The following NCOA1 variants were observed in gnomAD, a reference collection of about 807,000 sequenced individuals.
NCOA1 encodes Hin-2 protein.
Under a neutral mutation model 150.9 loss-of-function variants are expected in NCOA1, and 35 were observed. That is an observed-to-expected ratio of 0.23 (90% CI 0.18 to 0.31). NCOA1 has a LOEUF of 0.31. Ranked by LOEUF, NCOA1 falls within the 10% of genes least tolerant of loss-of-function variation. NCOA1 has a pLI of 1.00. For synonymous variants in NCOA1, 590 were observed against 630.0 expected, an observed-to-expected ratio of 0.94 and a Z score of 0.95; for missense variants, 1,491 against 1,749.3, an observed-to-expected ratio of 0.85 and a Z score of 2.63.
At chr2:24,517,271 A>C (rs1162991352) in intron 1 of NCOA1, among the ~76,000 whole-genome samples, 1 of 149,738 alleles carries the variant, frequency 6.7e-6, no homozygotes, top group Non-Finnish European at 1.5e-5. Context: ...TTTTTCCTTC[A>C]GTTTCTCTCT....
rs1348785188 is a variant in NCOA1 at position 24,491,260 on chromosome 2, G to A, written c.-738G>A. The stretch of plus-strand genomic sequence containing the variant: ...AGCGGGGGGCGGTGGCGGCGGCGGC[G>A]GTGGCGGCCGAGGAGGAGAACATGG... On this transcript the variant is annotated 5_prime_UTR_variant, in exon 1 of 23. Transcript: ENST00000348332. 6.8e-6 allele frequency among the ~76,000 whole-genome samples: 1 copy of A among 146,158 alleles called. No homozygotes were observed. Among genetic ancestry groups the A allele is most frequent in the Non-Finnish European group, 1.5e-5 (1 of 65,810 alleles).
intron 7 of NCOA1, among the ~76,000 whole-genome samples, chr2:24,681,788 C>T (rs554295110): frequency 2.0e-5 from 3 of 151,498 alleles, no homozygotes; most frequent in Admixed American, 2.0e-4. Flanking sequence ...GATCTCGGCT[C>T]ACTGCAAGCT....
At chr2:24,508,606 G>C (rs1343097717) in intron 1 of NCOA1, among the ~76,000 whole-genome samples, 1 of 151,984 alleles carries the variant, frequency 6.6e-6, no homozygotes, top group Non-Finnish European at 1.5e-5. Context: ...AAAATTTGTA[G>C]ATTCCCTCTT....
chr2:24,712,661 A>G (rs1673802142), intron 14 of NCOA1, among the ~76,000 whole-genome samples: 1 of 152,136 alleles, frequency 6.6e-6, no homozygotes, highest in Non-Finnish European at 1.5e-5. Flanking sequence ...GAATGCATAA[A>G]CCAAAAAAGA....
chr2:24,689,458 G>C (rs1672561912), intron 8 of NCOA1, among the ~76,000 whole-genome samples: 1 of 151,920 alleles, frequency 6.6e-6, no homozygotes, highest in Non-Finnish European at 1.5e-5. Flanking sequence ...ACCCAGGCTG[G>C]AGTGCAGTGG....
intron 10 of NCOA1, among the ~76,000 whole-genome samples, chr2:24,694,329 CCTCT>C (rs1240959724): frequency 6.6e-6 from 1 of 152,146 alleles, no homozygotes; most frequent in African/African-American, 2.4e-5. Context: ...ATATCACTTA[CCTCT>C]CTAATTTTAA....
At chr2:24,679,798 T>C (rs1378019617) in intron 7 of NCOA1, among the ~76,000 whole-genome samples, 2 of 152,170 alleles carry the variant, frequency 1.3e-5, no homozygotes, top group African/African-American at 4.8e-5. Flanking sequence ...TTTTAAAGAT[T>C]ATTAATCACG....
At chr2:24,546,488 A>T (rs2148208664) in intron 1 of NCOA1, among the ~76,000 whole-genome samples, 1 of 152,336 alleles carries the variant, frequency 6.6e-6, no homozygotes, top group South Asian at 2.1e-4. Context: ...CTATAGTCCT[A>T]GGTTCATTGT....
intron 3 of NCOA1, among the ~76,000 whole-genome samples, chr2:24,613,593 G>A (rs897358337): frequency 6.6e-6 from 1 of 152,190 alleles, no homozygotes; most frequent in African/African-American, 2.4e-5. Flanking sequence ...AGGAGAGTGG[G>A]TACTCCAGGT....
intron 19 of NCOA1, among the ~76,000 whole-genome samples, chr2:24,743,849 C>G (rs1336071586): frequency 1.3e-5 from 2 of 152,018 alleles, no homozygotes; most frequent in African/African-American, 2.4e-5. Context: ...TAGAAGTAAG[C>G]CAAACATTAA....
chr2:24,742,217 A>G, intron 19 of NCOA1, 31 bp downstream of exon 19: 2 of 1,579,016 alleles, frequency 1.3e-6, no homozygotes, highest in African/African-American at 2.7e-5. Context: ...TGTTGTTCTA[A>G]GTAATCCATA....
At chr2:24,602,845 C>G (rs1668189067) in intron 3 of NCOA1, among the ~76,000 whole-genome samples, 1 of 152,042 alleles carries the variant, frequency 6.6e-6, no homozygotes, top group Non-Finnish European at 1.5e-5. Flanking sequence ...GTGGAAACTC[C>G]CTGTGTAAGC....
chr2:24,611,854 C>CT lies in NCOA1; in HGVS notation c.-175+27304dup, dbSNP rs1452531109. On this transcript the variant is annotated intron_variant, in intron 3 of 22. Transcript: ENST00000348332. ...TCTTGAAGGCAACAGATAGATGAGT[C>CT]TTTTTTTTTTAATCCAATTCATCTC... is the stretch of plus-strand genomic sequence containing the variant. Among the ~76,000 whole-genome samples the CT allele has an allele frequency of 4.3e-3, 632 of 148,356 alleles. 5 individuals are homozygous for CT. The highest frequency in any genetic ancestry group is 0.014 in the African/African-American group (586 of 40,514).
At chr2:24,611,976 G>A (rs1394459053) in intron 3 of NCOA1, among the ~76,000 whole-genome samples, 1 of 152,232 alleles carries the variant, frequency 6.6e-6, no homozygotes, top group African/African-American at 2.4e-5. Flanking sequence ...GCTAGTCACT[G>A]TAGTTTCTAT....
intron 4 of NCOA1, among the ~76,000 whole-genome samples, chr2:24,651,039 A>G (rs891309272): frequency 5.9e-5 from 9 of 152,114 alleles, no homozygotes; most frequent in African/African-American, 1.9e-4. Flanking sequence ...TCAAAAAGAC[A>G]AAAGATAACA....
chr2:24,653,946 A>T (rs191597597), intron 4 of NCOA1, among the ~76,000 whole-genome samples: 4 of 152,264 alleles, frequency 2.6e-5, no homozygotes, highest in Non-Finnish European at 5.9e-5. Context: ...AAAGTTTAGA[A>T]TTGATGCTTC....
At chr2:24,644,935 C>T (rs541296119) in intron 4 of NCOA1, among the ~76,000 whole-genome samples, 3 of 152,124 alleles carry the variant, frequency 2.0e-5, no homozygotes, top group Non-Finnish European at 2.9e-5. Flanking sequence ...CCCAGCTGCA[C>T]GCCCATTCAC....
chr2:24,728,092 A>G (rs1418109083), intron 15 of NCOA1, among the ~76,000 whole-genome samples: 2 of 152,334 alleles, frequency 1.3e-5, no homozygotes, highest in African/African-American at 2.4e-5. Context: ...ACAAAGTTCA[A>G]TGACTGACAA....
chr2:24,690,049 G>C (rs1485023844), intron 8 of NCOA1, among the ~76,000 whole-genome samples: 1 of 152,192 alleles, frequency 6.6e-6, no homozygotes, highest in Non-Finnish European at 1.5e-5. Flanking sequence ...GACTTGAAAT[G>C]ATTCTTTCTA....
Sources: gnomAD v4.1 joint callset for allele counts (sites outside exome capture counted in the v4.1 genomes callset) on GRCh38, gnomAD v4.1.1 for gene constraint, MANE v1.5 for transcripts, NCBI Gene and HGNC (gene_info 2026-07-23, HGNC 2026-07-21) for gene names.